ST8SIA6: variants seen among roughly 807,000 people sequenced by gnomAD.
ST8SIA6 encodes ST8 alpha-N-acetyl-neuraminide alpha-2,8-sialyltransferase 6, also known as alpha-2,8-sialyltransferase 8F.
In ST8SIA6, 39 loss-of-function variants were observed where a neutral mutation model predicts 33.6. The observed-to-expected ratio is 1.16, with a 90% CI of 0.90 to 1.52. ST8SIA6 has a LOEUF of 1.52. Ranked by LOEUF, ST8SIA6 falls within the 40% of genes most tolerant of loss-of-function variation. The probability of loss-of-function intolerance (pLI) is 0.00; values close to 1 mark genes in which losing one functional copy is unlikely to be tolerated. For missense variants in ST8SIA6, 441 were observed against 443.8 expected (o/e 0.99, Z 0.06); for synonymous variants, 172 against 167.2 (o/e 1.03, Z -0.22).
chr10:17,424,847 C>G (rs574195477), intron 2 of ST8SIA6, among the ~76,000 whole-genome samples: 37 of 151,932 alleles, frequency 2.4e-4, no homozygotes, highest in African/African-American at 7.7e-4. Context: ...GATTCTCATG[C>G]CTCAGCCTCC....
intron 2 of ST8SIA6, among the ~76,000 whole-genome samples, chr10:17,434,781 T>C (rs1026511568): frequency 6.6e-6 from 1 of 152,122 alleles, no homozygotes; most frequent in Non-Finnish European, 1.5e-5. Flanking sequence ...GTTGGTTAAC[T>C]GCAACTTGGG....
Position 17,454,113 on chromosome 10 carries a change from G to A in ST8SIA6, c.101+42C>T, listed in dbSNP as rs1414112382. On this transcript the variant is annotated intron_variant, in intron 1 of 7. Transcript: ENST00000377602. The surrounding 1 kb of genome is among the most constrained non-coding windows in gnomAD (Gnocchi z 4.1). ...CTTGGGGGTCCGGGGGCGCCAGGCG[G>A]GGCGCGCGGCGCGGGGCGCGGCCGG... The A allele has an allele frequency of 3.8e-6, 1 of 260,004 alleles. No homozygotes were observed. Among genetic ancestry groups the A allele is most frequent in the Admixed American group, 5.5e-5 (1 of 18,346 alleles). 16.1% of individuals were successfully genotyped at this position (260,004 alleles called of 1,614,324 possible).
chr10:17,348,859 G>A (rs1848936713), intron 4 of ST8SIA6, among the ~76,000 whole-genome samples: 1 of 152,048 alleles, frequency 6.6e-6, no homozygotes, highest in South Asian at 2.1e-4. Flanking sequence ...TCCTACCCTG[G>A]GTTCCTCAGC....
At chr10:17,407,041 C>T (rs1851291065) in intron 2 of ST8SIA6, among the ~76,000 whole-genome samples, 2 of 152,130 alleles carry the variant, frequency 1.3e-5, no homozygotes, top group African/African-American at 2.4e-5. Flanking sequence ...ATCTGCCTGC[C>T]TTGGCCTCTC....
chr10:17,364,012 C>T (rs1333697926), intron 3 of ST8SIA6, among the ~76,000 whole-genome samples: 1 of 152,186 alleles, frequency 6.6e-6, no homozygotes, highest in South Asian at 2.1e-4. Context: ...AACATCCAAA[C>T]AGCAAGTACT....
At chr10:17,421,599 G>A (rs758957534) in intron 2 of ST8SIA6, among the ~76,000 whole-genome samples, 9 of 151,926 alleles carry the variant, frequency 5.9e-5, no homozygotes, top group Non-Finnish European at 1.0e-4. Flanking sequence ...GTCTTGCTTT[G>A]TTGCTCAGGC....
intron 4 of ST8SIA6, among the ~76,000 whole-genome samples, chr10:17,333,190 T>C (rs1159620847): frequency 1.3e-5 from 2 of 152,114 alleles, no homozygotes; most frequent in African/African-American, 2.4e-5. Flanking sequence ...ACAAGGAATG[T>C]GAAGGACCTC....
At chr10:17,372,009 C>T (rs1012800674) in intron 3 of ST8SIA6, among the ~76,000 whole-genome samples, 2 of 152,020 alleles carry the variant, frequency 1.3e-5, no homozygotes, top group African/African-American at 4.8e-5. Context: ...CTCTCCAGGT[C>T]GAAAATAACT....
intron 2 of ST8SIA6, among the ~76,000 whole-genome samples, chr10:17,404,328 C>G (rs1851168401): frequency 6.6e-6 from 1 of 152,112 alleles, no homozygotes; most frequent in Admixed American, 6.6e-5. Flanking sequence ...TTACGCCATT[C>G]TACCTCCCTC....
At chr10:17,387,449 G>C (rs10466290) in intron 3 of ST8SIA6, among the ~76,000 whole-genome samples, 1 of 25,318 alleles carries the variant, frequency 3.9e-5, no homozygotes, top group Non-Finnish European at 9.7e-5. Context: ...CGGTGGGGCG[G>C]GGGGGGGGGG....
intron 4 of ST8SIA6, among the ~76,000 whole-genome samples, chr10:17,344,697 G>A (rs556874365): frequency 3.9e-5 from 6 of 152,206 alleles, no homozygotes; most frequent in Non-Finnish European, 8.8e-5. Context: ...TTCTTAAGCT[G>A]TGCTGAATGT....
chr10:17,425,755 GAGAA>G (rs112257690), intron 2 of ST8SIA6, among the ~76,000 whole-genome samples: 4,949 of 151,404 alleles, frequency 0.033, 83 homozygotes, highest in South Asian at 0.054. Context: ...AAGGAAGGGA[GAGAA>G]AGAAAGAAAG....
intron 2 of ST8SIA6, among the ~76,000 whole-genome samples, chr10:17,392,319 A>T (rs551538886): frequency 6.6e-6 from 1 of 152,168 alleles, no homozygotes; most frequent in Admixed American, 6.5e-5. Flanking sequence ...AGATGGAGAC[A>T]CCCAAGGATG....
chr10:17,371,075 C>T (rs1205356669), intron 3 of ST8SIA6, among the ~76,000 whole-genome samples: 1 of 151,996 alleles, frequency 6.6e-6, no homozygotes, highest in African/African-American at 2.4e-5. Context: ...TTGAAGGTAG[C>T]CAATAAGATT....
intron 2 of ST8SIA6, among the ~76,000 whole-genome samples, chr10:17,422,220 T>G (rs1179269679): frequency 2.0e-5 from 3 of 152,202 alleles, no homozygotes; most frequent in African/African-American, 7.2e-5. Context: ...TAAAAATCTT[T>G]AGGGAAAAGC....
chr10:17,411,532 T>TA (rs1436522530), intron 2 of ST8SIA6, among the ~76,000 whole-genome samples: 1 of 152,246 alleles, frequency 6.6e-6, no homozygotes, highest in Non-Finnish European at 1.5e-5. Context: ...TCTATCTGCT[T>TA]ATTCCCAATT....
chr10:17,333,711 ATATATATT>A (rs1848400697), intron 4 of ST8SIA6, among the ~76,000 whole-genome samples: 1 of 24,362 alleles, frequency 4.1e-5, no homozygotes, highest in Non-Finnish European at 6.5e-5. Flanking sequence ...ATATATATAT[ATATATATT>A]TTTTTTTTTT....
intron 3 of ST8SIA6, among the ~76,000 whole-genome samples, chr10:17,366,896 G>C (rs1026748168): frequency 2.6e-5 from 4 of 152,042 alleles, no homozygotes; most frequent in Non-Finnish European, 4.4e-5. Context: ...AGAGAAAGAG[G>C]GTCCAACTAA....
intron 2 of ST8SIA6, among the ~76,000 whole-genome samples, chr10:17,445,711 A>G (rs1411370882): frequency 6.6e-6 from 1 of 152,184 alleles, no homozygotes; most frequent in Admixed American, 6.5e-5. Context: ...ATTATATTCT[A>G]TTGTATCGTA....
Sources: gnomAD v4.1 joint callset for allele counts (sites outside exome capture counted in the v4.1 genomes callset) on GRCh38, gnomAD v4.1.1 for gene constraint, Gnocchi (gnomAD v3.1) non-coding constraint, MANE v1.5 for transcripts, NCBI Gene and HGNC (gene_info 2026-07-23, HGNC 2026-07-21) for gene names.